Variants in CACNA1A observed in about 807,000 individuals in gnomAD.
CACNA1A encodes voltage-dependent P/Q-type calcium channel subunit alpha-1A.
Under a neutral mutation model 262.4 loss-of-function variants are expected in CACNA1A, and 57 were observed. The ratio of observed to expected loss-of-function variants is 0.22; its 90% CI spans 0.18 to 0.27. The LOEUF is 0.27. Among genes scored for constraint, CACNA1A ranks in the 10% least tolerant of loss-of-function variants. The pLI is 1.00. For missense variants in CACNA1A, 2,526 were observed against 3,562.8 expected, an observed-to-expected ratio of 0.71 and a Z score of 7.41; for synonymous variants, 1,431 against 1,419.3, an observed-to-expected ratio of 1.01 and a Z score of -0.18.
chr19:13,236,557 T>TC lies in CACNA1A; in HGVS notation c.4951-828dup. 1 of 152,980 alleles carries TC rather than the reference T, an allele frequency of 6.5e-6. No homozygotes were observed. The highest frequency in any genetic ancestry group is 1.5e-5 in the Non-Finnish European group (1 of 68,358). The allele number at this position is 152,980 out of a possible 1,614,324, so 9.5% of individuals were successfully genotyped here. A position where few individuals can be genotyped will look rare whatever the true frequency, so the allele number is the denominator to read the frequency against. ...GGAGAAGATGCATTTGGGGCCCTTT[T>TC]CCCCCCTCTCAGGGATGGCTTCTCA... On this transcript the variant is annotated intron_variant, in intron 31 of 46. Transcript: ENST00000360228. The surrounding 1 kb of genome is among the most constrained non-coding windows in gnomAD (Gnocchi z 4.6).
At chr19:13,359,847 C>G (rs376439725) in intron 5 of CACNA1A, 48 bp from the exon 6 acceptor site, 2 of 1,356,024 alleles carry the variant, frequency 1.5e-6, no homozygotes, top group Non-Finnish European at 2.0e-6. Context: ...CAGGGAAAAC[C>G]AGCTCTGAGA....
chr19:13,483,332 C>A (rs1979583230), intron 1 of CACNA1A, among the ~76,000 whole-genome samples: 1 of 152,154 alleles, frequency 6.6e-6, no homozygotes, highest in Non-Finnish European at 1.5e-5. Context: ...TAAGCTACTG[C>A]AGACTTGGGG....
At chr19:13,215,701 C>T (rs2144546073) in intron 38 of CACNA1A, among the ~76,000 whole-genome samples, 1 of 151,582 alleles carries the variant, frequency 6.6e-6, no homozygotes, top group Non-Finnish European at 1.5e-5. Context: ...ACTGTTACCT[C>T]CGCCTCCCAG....
At chr19:13,209,926 G>A (rs1271011817) in intron 44 of CACNA1A, among the ~76,000 whole-genome samples, 1 of 152,214 alleles carries the variant, frequency 6.6e-6, no homozygotes, top group Non-Finnish European at 1.5e-5. Context: ...TCCTGGGAGG[G>A]TGAGAAGCCT....
intron 10 of CACNA1A, among the ~76,000 whole-genome samples, chr19:13,319,685 G>C (rs984188360): frequency 2.0e-5 from 3 of 152,164 alleles, no homozygotes; most frequent in Non-Finnish European, 4.4e-5. Flanking sequence ...AAAACTGGGA[G>C]ATTTTCCATG....
intron 1 of CACNA1A, among the ~76,000 whole-genome samples, chr19:13,479,486 G>A (rs542639499): frequency 9.4e-5 from 11 of 117,530 alleles, no homozygotes; most frequent in African/African-American, 2.4e-4. Flanking sequence ...GCAGGAGCTG[G>A]GTGAGTGAGG....
chr19:13,495,784 C>A (rs564476444), intron 1 of CACNA1A, among the ~76,000 whole-genome samples: 1 of 151,976 alleles, frequency 6.6e-6, no homozygotes, highest in East Asian at 1.9e-4. Flanking sequence ...ATCCACTCAT[C>A]CACCCATCCA....
chr19:13,251,467 C>A (rs1475159113), intron 30 of CACNA1A, among the ~76,000 whole-genome samples: 1 of 151,918 alleles, frequency 6.6e-6, no homozygotes, highest in East Asian at 1.9e-4. Context: ...TGGGCAACAG[C>A]GAGACTGTCT....
At chr19:13,217,924 ATTCT>A (rs1301005472) in intron 38 of CACNA1A, among the ~76,000 whole-genome samples, 6 of 103,530 alleles carry the variant, frequency 5.8e-5, no homozygotes, top group Non-Finnish European at 9.2e-5. Context: ...TGTATAGTTC[ATTCT>A]TTTTTTTTTT....
chr19:13,229,063 G>T (rs993194430), intron 36 of CACNA1A: 5 of 24,936 alleles, frequency 2.0e-4, no homozygotes, highest in Admixed American at 1.7e-3. Context: ...CTACAGGGGT[G>T]GGGGGGGGCT....
intron 29 of CACNA1A, among the ~76,000 whole-genome samples, chr19:13,253,533 C>T (rs1240352971): frequency 2.0e-5 from 3 of 149,494 alleles, no homozygotes; most frequent in Non-Finnish European, 3.0e-5. Context: ...GCAAGCTCCA[C>T]CTCCTGGGTT....
intron 1 of CACNA1A, among the ~76,000 whole-genome samples, chr19:13,465,290 A>G (rs553452251): frequency 6.6e-6 from 1 of 152,278 alleles, no homozygotes; most frequent in East Asian, 1.9e-4. Context: ...TCATAGCTGA[A>G]CAGACCTCTC....
Position 13,241,664 on chromosome 19 carries a change from G to A in CACNA1A, c.4950+3518C>T. On this transcript the variant is annotated intron_variant, in intron 31 of 46. Transcript: ENST00000360228. This position sits in a 1 kb window ranked among gnomAD's most constrained non-coding sequence, Gnocchi z 4.0. ...CGGTTCCCGGGCGGGGAGTGGGGGT[G>A]GTGGTGGCGGTGGGTTGGGAGATAA... The A allele has an allele frequency of 1.5e-6, 1 of 660,794 alleles. No individual in the cohort carries two copies. The highest frequency in any genetic ancestry group is 2.1e-5 in the Admixed American group (1 of 48,328). 40.9% of individuals were successfully genotyped at this position (660,794 alleles called of 1,614,324 possible).
intron 24 of CACNA1A, chr19:13,275,467 C>T (rs542659892): frequency 4.1e-5 from 10 of 241,444 alleles, no homozygotes; most frequent in South Asian, 2.3e-4. Flanking sequence ...CATGCACATT[C>T]GTTTCCTGAT....
At chr19:13,488,698 C>T (rs1463895188) in intron 1 of CACNA1A, among the ~76,000 whole-genome samples, 1 of 151,942 alleles carries the variant, frequency 6.6e-6, no homozygotes, top group Non-Finnish European at 1.5e-5. Flanking sequence ...CCGTGCCCAG[C>T]CTCAGCATTT....
intron 10 of CACNA1A, among the ~76,000 whole-genome samples, chr19:13,326,970 G>A (rs576741777): frequency 2.0e-5 from 3 of 151,290 alleles, no homozygotes; most frequent in East Asian, 2.0e-4. Context: ...GTGGCTCACC[G>A]CAGCCTTGAC....
intron 3 of CACNA1A, among the ~76,000 whole-genome samples, chr19:13,385,410 A>G (rs1290643067): frequency 6.6e-6 from 1 of 151,784 alleles, no homozygotes; most frequent in Non-Finnish European, 1.5e-5. Context: ...TTACATTTTT[A>G]GTAGAGACGG....
intron 3 of CACNA1A, among the ~76,000 whole-genome samples, chr19:13,411,674 CTCTT>C (rs1382823517): frequency 6.7e-6 from 1 of 149,816 alleles, no homozygotes; most frequent in Non-Finnish European, 1.5e-5. Flanking sequence ...TTCCCTCTCT[CTCTT>C]TCTCTCTCTT....
Position 13,241,452 on chromosome 19 carries a change from T to C in CACNA1A, c.4950+3730A>G. ...TGGAGAGGCAGGGTGTGGCATGCAA[T>C]GCCGACGCGAGGAGATGCGTTCACA... On this transcript the variant is annotated intron_variant, in intron 31 of 46. Transcript: ENST00000360228. This position sits in a 1 kb window ranked among gnomAD's most constrained non-coding sequence, Gnocchi z 4.0. 3.7e-6 allele frequency: 4 copies of C among 1,087,488 alleles called. No homozygotes were observed. Among genetic ancestry groups the C allele is most frequent in the Admixed American group, 2.0e-5 (1 of 49,244 alleles). The allele number at this position is 1,087,488 out of a possible 1,614,324, so 67.4% of individuals were successfully genotyped here.
Sources: allele counts gnomAD v4.1 joint callset (sites outside exome capture counted in the v4.1 genomes callset), GRCh38; gene constraint gnomAD v4.1.1; non-coding constraint Gnocchi (gnomAD v3.1); transcripts MANE v1.5; gene names NCBI Gene and HGNC (gene_info 2026-07-23, HGNC 2026-07-21).